ADNP: variants seen among roughly 807,000 people sequenced by gnomAD.
ADNP encodes activity dependent neuroprotector homeobox, also known as activity-dependent neuroprotector homeobox protein.
A neutral mutation model predicts 84.9 loss-of-function variants in ADNP; 4 were observed. The ratio of observed to expected loss-of-function variants is 0.05; its 90% CI spans 0.02 to 0.11. ADNP has a LOEUF of 0.11. Ranked by LOEUF, ADNP falls within the 10% of genes least tolerant of loss-of-function variation. The pLI is 1.00. For synonymous variants in ADNP, 554 were observed against 468.1 expected, an observed-to-expected ratio of 1.18 and a Z score of -2.37; for missense variants, 1,132 against 1,326.0, an observed-to-expected ratio of 0.85 and a Z score of 2.27.
rs1317478487 is a variant in ADNP at position 50,904,847 on chromosome 20, A to G, written c.-87T>C. On this transcript the variant is annotated splice_region_variant and 5_prime_UTR_variant, in exon 3 of 6. Coordinates refer to ENST00000621696, the MANE Select transcript of ADNP (RefSeq NM_001282531.3). ...GAACTGTCCTGCCTACTGCTACGGT[A>G]TTCTTTAAAACAAAAACAAAAACAA... The G allele has an allele frequency of 6.6e-6, 1 of 152,074 alleles. No homozygotes were observed. Among genetic ancestry groups the G allele is most frequent in the Non-Finnish European group, 1.5e-5 (1 of 67,998 alleles). The allele number at this position is 152,074 out of a possible 1,614,324, so 9.4% of individuals were successfully genotyped here. A position where few individuals can be genotyped will look rare whatever the true frequency, so the allele number is the denominator to read the frequency against.
intron 5 of ADNP, among the ~76,000 whole-genome samples, chr20:50,899,569 A>T (rs1411233058): frequency 1.3e-5 from 2 of 152,126 alleles, no homozygotes; most frequent in Non-Finnish European, 2.9e-5. Flanking sequence ...TTTTAAAAAA[A>T]AGTTAACTCT....
Position 50,891,231 on chromosome 20 carries a change from G to C in ADNP, c.*174C>G. On this transcript the variant is annotated 3_prime_UTR_variant, in exon 6 of 6. Coordinates refer to ENST00000621696, the MANE Select transcript of ADNP (RefSeq NM_001282531.3). Reference sequence around the variant, plus strand: ...TCTGTCAGAGAAGGTTCTGAAGCAAGAACAGCCTGTCCTGTCATAGACTTA... The same window carrying C: ...TCTGTCAGAGAAGGTTCTGAAGCAACAACAGCCTGTCCTGTCATAGACTTA... 2 of 1,357,914 alleles carry C rather than the reference G, an allele frequency of 1.5e-6. No homozygotes were observed. The highest frequency in any genetic ancestry group is 2.8e-5 in the East Asian group (1 of 35,872). 84.1% of individuals were successfully genotyped at this position (1,357,914 alleles called of 1,614,324 possible). A position where few individuals can be genotyped will look rare whatever the true frequency, so the allele number is the denominator to read the frequency against.
rs569574798 is a variant in ADNP, at chr20:50,913,015, G to A, written c.-89-8166C>T. Among the ~76,000 whole-genome samples the A allele has an allele frequency of 5.3e-5, 8 of 152,022 alleles. No individual in the cohort carries two copies. The East Asian group carries it at 1.5e-3, about 29-fold the overall frequency. ...GTCTGTAATCCCAGCAGTTTGGGAG[G>A]CCAAGGAGGGTGATCACTTGAGGCC... On this transcript the variant is annotated intron_variant, in intron 2 of 5. Coordinates refer to ENST00000621696, the MANE Select transcript of ADNP (RefSeq NM_001282531.3).
intron 2 of ADNP, among the ~76,000 whole-genome samples, chr20:50,915,175 T>C (rs2122932760): frequency 6.6e-6 from 1 of 152,318 alleles, no homozygotes; most frequent in South Asian, 2.1e-4. Flanking sequence ...ATTCTTGTAT[T>C]TGTGCATTTT....
At position 50,890,164 on chromosome 20, in the gene ADNP, AAAAC is replaced by A. The variant is rs1403642698; in HGVS notation, c.*1237_*1240del. The stretch of plus-strand genomic sequence containing the variant: ...AAAAAAAAAAAAAAAAAAAAAAAGA[AAAAC>A]AGATTTTGTACCAGGTGCCTCAAGA... On this transcript the variant is annotated 3_prime_UTR_variant, in exon 6 of 6. Coordinates refer to ENST00000621696, the MANE Select transcript of ADNP (RefSeq NM_001282531.3). 1 of 288,386 alleles carries A rather than the reference AAAAC, an allele frequency of 3.5e-6. No individual in the cohort carries two copies. Among genetic ancestry groups the A allele is most frequent in the Non-Finnish European group, 6.3e-6 (1 of 158,148 alleles). The allele number at this position is 288,386 out of a possible 1,614,324, so 17.9% of individuals were successfully genotyped here.
At chr20:50,929,034 G>GT (rs1205000389) in intron 1 of ADNP, among the ~76,000 whole-genome samples, 1 of 152,226 alleles carries the variant, frequency 6.6e-6, no homozygotes, top group Non-Finnish European at 1.5e-5. Context: ...TGGGCTTGAT[G>GT]TTTACCAACA....
chr20:50,918,498 G>T (rs923432244), intron 2 of ADNP, among the ~76,000 whole-genome samples: 4 of 150,348 alleles, frequency 2.7e-5, no homozygotes, highest in African/African-American at 7.3e-5. Flanking sequence ...AGTACTTAAA[G>T]AAAAAAAAAT....
At chr20:50,897,610 A>T (rs1337986602) in intron 5 of ADNP, among the ~76,000 whole-genome samples, 1 of 152,182 alleles carries the variant, frequency 6.6e-6, no homozygotes, top group Non-Finnish European at 1.5e-5. Flanking sequence ...GCAGTCACAG[A>T]TATTGCAATC....
intron 2 of ADNP, among the ~76,000 whole-genome samples, chr20:50,923,929 C>A (rs1267042533): frequency 6.6e-6 from 1 of 152,220 alleles, no homozygotes; most frequent in African/African-American, 2.4e-5. Flanking sequence ...AGGATTCTGT[C>A]AACCTAAATT....
intron 2 of ADNP, among the ~76,000 whole-genome samples, chr20:50,910,498 G>C (rs1982925496): frequency 6.6e-6 from 1 of 152,076 alleles, no homozygotes; most frequent in South Asian, 2.1e-4. Flanking sequence ...GAGGTGGGAG[G>C]ATCACTTGAG....
chr20:50,894,590 T>G, intron 5 of ADNP, 78 bp from the exon 6 acceptor site: 1 of 1,453,054 alleles, frequency 6.9e-7, no homozygotes. Context: ...CCCCCGGATA[T>G]TCTTAATAAT....
intron 2 of ADNP, among the ~76,000 whole-genome samples, chr20:50,921,362 G>A (rs1027202648): frequency 6.6e-6 from 1 of 152,184 alleles, no homozygotes; most frequent in Non-Finnish European, 1.5e-5. Flanking sequence ...TTCTTAACAA[G>A]CTCAGTGACA....
rs1173764192 is a variant in ADNP at position 50,889,637 on chromosome 20, A to ACTT, written c.*1765_*1767dup. The ACTT allele has an allele frequency of 3.2e-5, 12 of 375,518 alleles. No homozygotes were observed. The East Asian group carries it at 4.5e-4, about 14-fold the overall frequency. The allele number at this position is 375,518 out of a possible 1,614,324, so 23.3% of individuals were successfully genotyped here. On this transcript the variant is annotated 3_prime_UTR_variant, in exon 6 of 6. Transcript: ENST00000621696. ...GACTCAGAAGTTATGGACATCAGCC[A>ACTT]CTTCAGACTTCTTTAGGCCACTATC...
rs1003752083 is a variant in ADNP at position 50,890,636 on chromosome 20, A to G, written c.*769T>C. ...TAGCTTAAAAGATTTCAGAAAACAG[A>G]TCTGAAATACCAGTTTTTGTTTTTG... On this transcript the variant is annotated 3_prime_UTR_variant, in exon 6 of 6. Transcript: ENST00000621696. 1 of 152,888 alleles carries G rather than the reference A, an allele frequency of 6.5e-6. No individual in the cohort carries two copies. Among genetic ancestry groups the G allele is most frequent in the Non-Finnish European group, 1.5e-5 (1 of 68,118 alleles). The allele number at this position is 152,888 out of a possible 1,614,324, so 9.5% of individuals were successfully genotyped here. A position where few individuals can be genotyped will look rare whatever the true frequency, so the allele number is the denominator to read the frequency against.
At chr20:50,921,557 C>T (rs114075215) in intron 2 of ADNP, among the ~76,000 whole-genome samples, 31 of 152,346 alleles carry the variant, frequency 2.0e-4, no homozygotes, top group African/African-American at 6.0e-4. Flanking sequence ...AACTGGAAAA[C>T]TGCTACTGTG....
intron 2 of ADNP, among the ~76,000 whole-genome samples, chr20:50,908,597 A>AC (rs1286673647): frequency 1.3e-5 from 2 of 151,892 alleles, no homozygotes; most frequent in Non-Finnish European, 2.9e-5. Context: ...ACATGGTGAA[A>AC]CCCCGTCTCT....
chr20:50,902,805 G>A (rs1982115573), intron 4 of ADNP, among the ~76,000 whole-genome samples: 2 of 152,174 alleles, frequency 1.3e-5, no homozygotes, highest in African/African-American at 4.8e-5. Context: ...AATGTACTGT[G>A]ATGTTGGTAT....
intron 2 of ADNP, chr20:50,914,345 A>G (rs766468853): frequency 2.7e-5 from 18 of 656,534 alleles, no homozygotes; most frequent in Non-Finnish European, 3.9e-5. Flanking sequence ...AAGAAACCCC[A>G]CAAGTGGCCA....
chr20:50,906,122 G>C (rs181146184), intron 2 of ADNP, among the ~76,000 whole-genome samples: 2 of 152,298 alleles, frequency 1.3e-5, no homozygotes, highest in Admixed American at 1.3e-4. Flanking sequence ...TGAGGCAGGA[G>C]AATCGCTTGA....
Sources: gnomAD v4.1 joint callset for allele counts (sites outside exome capture counted in the v4.1 genomes callset) on GRCh38, gnomAD v4.1.1 for gene constraint, MANE v1.5 for transcripts, NCBI Gene and HGNC (gene_info 2026-07-23, HGNC 2026-07-21) for gene names.